KSR2: variants seen among roughly 807,000 people sequenced by gnomAD.
KSR2 encodes kinase suppressor of ras 2.
KSR2 carries 25 observed loss-of-function variants against 107.8 expected under a neutral mutation model. The observed-to-expected ratio is 0.23, with a 90% confidence interval of 0.17 to 0.32. KSR2 has a LOEUF of 0.32. Among genes scored for constraint, KSR2 ranks in the 10% least tolerant of loss-of-function variants. The pLI is 1.00. For synonymous variants in KSR2, 480 were observed against 507.0 expected (o/e 0.95, Z 0.71); for missense variants, 887 against 1,268.9 (o/e 0.70, Z 4.57).
chr12:117,487,230 A>G (rs1223633760), intron 14 of KSR2, among the ~76,000 whole-genome samples: 1 of 152,258 alleles, frequency 6.6e-6, no homozygotes, highest in Non-Finnish European at 1.5e-5. Context: ...ACAAATATAT[A>G]TAAGTGATAT....
intron 1 of KSR2, among the ~76,000 whole-genome samples, chr12:117,933,532 C>T (rs1895752919): frequency 6.6e-6 from 1 of 151,552 alleles, no homozygotes; most frequent in Non-Finnish European, 1.5e-5. Context: ...GCGGAGCTTG[C>T]AGTGAGCTGA....
At chr12:117,794,256 CA>C (rs1890487053) in intron 3 of KSR2, among the ~76,000 whole-genome samples, 5 of 51,526 alleles carry the variant, frequency 9.7e-5, no homozygotes, top group African/African-American at 2.5e-4. Flanking sequence ...AACATGCACA[CA>C]TACACCAACA....
At chr12:117,898,703 A>G (rs1894592349) in intron 1 of KSR2, among the ~76,000 whole-genome samples, 1 of 152,130 alleles carries the variant, frequency 6.6e-6, no homozygotes, top group Non-Finnish European at 1.5e-5. Flanking sequence ...CTGAATGAAT[A>G]AAGAAAATAT....
At chr12:117,691,211 G>A (rs61937663) in intron 4 of KSR2, among the ~76,000 whole-genome samples, 30,358 of 152,054 alleles carry the variant, frequency 0.2, 3,475 homozygotes, top group East Asian at 0.41. Context: ...ATTTTTGGAC[G>A]CTTTGTTCCA....
chr12:117,831,825 A>C (rs1338731972), intron 3 of KSR2, among the ~76,000 whole-genome samples: 1 of 152,240 alleles, frequency 6.6e-6, no homozygotes, highest in Non-Finnish European at 1.5e-5. Flanking sequence ...CCAAGAACAC[A>C]GGAGGTACTT....
At position 117,525,111 on chromosome 12, in the gene KSR2, T is replaced by C. The variant is rs1875033989; in HGVS notation, c.1960A>G (p.Ile654Val). The C allele has an allele frequency of 3.7e-6, 6 of 1,614,010 alleles. No individual in the cohort carries two copies. Among genetic ancestry groups the C allele is most frequent in the Non-Finnish European group, 5.1e-6 (6 of 1,179,884 alleles). ...GGGATGTCCCACTCCTGAAGGAAGA[T>C]GCTGGTCTGGCTGGCCTTGCGTGGG... ...SFPRKASQTS[I>V]FLQEWDIPFE... Residue 654 changes from isoleucine (I) to valine (V), a missense_variant, in exon 14 of 20, where the codon ATC (isoleucine) becomes GTC (valine). Around this residue, in one of 8 missense-constraint regions of KSR2, gnomAD observed 308 missense variants for 506.2 expected, o/e 0.61. Transcript: ENST00000339824.
intron 5 of KSR2, among the ~76,000 whole-genome samples, chr12:117,582,587 A>C (rs1316893931): frequency 6.6e-6 from 1 of 152,230 alleles, no homozygotes; most frequent in Non-Finnish European, 1.5e-5. Context: ...CCAGCTGTGG[A>C]ATGAATAAAA....
At chr12:117,713,477 G>A (rs1886870132) in intron 4 of KSR2, among the ~76,000 whole-genome samples, 1 of 148,558 alleles carries the variant, frequency 6.7e-6, no homozygotes, top group Non-Finnish European at 1.5e-5. Flanking sequence ...TGCAACAAAT[G>A]TTGAGAGAAT....
intron 1 of KSR2, among the ~76,000 whole-genome samples, chr12:117,928,272 T>C (rs1159378541): frequency 6.6e-6 from 1 of 151,502 alleles, no homozygotes; most frequent in Non-Finnish European, 1.5e-5. Flanking sequence ...CTCTGCTGCC[T>C]CCTGGGCTCA....
chr12:117,508,337 A>C (rs147752119), intron 14 of KSR2, among the ~76,000 whole-genome samples: 7 of 152,294 alleles, frequency 4.6e-5, no homozygotes, highest in Non-Finnish European at 1.0e-4. Flanking sequence ...GCATGCTTCC[A>C]TCACATCCCA....
chr12:117,967,964 C>A, intron 1 of KSR2, 112 bp downstream of exon 1: 1 of 995,346 alleles, frequency 1.0e-6, no homozygotes, highest in South Asian at 1.5e-5. Flanking sequence ...CCACCCCCAG[C>A]CCCCAATAAA....
chr12:117,474,808 T>G (rs933661813), intron 17 of KSR2, among the ~76,000 whole-genome samples: 1 of 152,174 alleles, frequency 6.6e-6, no homozygotes, highest in Non-Finnish European at 1.5e-5. Flanking sequence ...CAGCTGTGTT[T>G]TGGTGGTTTC....
chr12:117,825,783 T>A (rs1891721193), intron 3 of KSR2, among the ~76,000 whole-genome samples: 2 of 152,046 alleles, frequency 1.3e-5, no homozygotes, highest in Admixed American at 6.6e-5. Flanking sequence ...GGGCTCAGTG[T>A]CTATATATTA....
rs768440495 is a variant in KSR2 at position 117,531,003 on chromosome 12, C to T, written c.1740G>A (p.Pro580=). The change falls in exon 12 of 20, where the codon CCG becomes CCA. Residue 580 remains proline, a synonymous_variant. Coordinates refer to ENST00000339824, the MANE Select transcript of KSR2 (RefSeq NM_173598.6). ...KQQFIFPDVV[P]VPETPTRAPQ... is the part of the protein sequence containing the mutation. ...GCGCCCGGGTCGGCGTCTCCGGCACCGGCACCACATCTGAAAACCAGAGAT... is the reference window on the plus strand; with the variant it reads ...GCGCCCGGGTCGGCGTCTCCGGCACTGGCACCACATCTGAAAACCAGAGAT... The T allele has an allele frequency of 4.6e-5, 74 of 1,613,302 alleles. No homozygotes were observed. Among genetic ancestry groups the T allele is most frequent in the South Asian group, 1.1e-4 (10 of 90,988 alleles).
intron 1 of KSR2, among the ~76,000 whole-genome samples, chr12:117,939,944 A>AAC (rs10561468): frequency 0.056 from 7,904 of 140,050 alleles, 216 homozygotes; most frequent in Non-Finnish European, 0.071. Flanking sequence ...CCATCTTAAA[A>AAC]ACACACACAC....
chr12:117,765,668 A>T lies in KSR2; in HGVS notation c.473-4144T>A, dbSNP rs76366338. ...GTAGGGAAACAAATGAAACAAGTAGATGAACAAATTTATCATATATGTAGT... is the reference window on the plus strand; with the variant it reads ...GTAGGGAAACAAATGAAACAAGTAGTTGAACAAATTTATCATATATGTAGT... On this transcript the variant is annotated intron_variant, in intron 3 of 19. Coordinates refer to ENST00000339824, the MANE Select transcript of KSR2 (RefSeq NM_173598.6). Among the ~76,000 whole-genome samples, 1,502 of 152,330 alleles carry T rather than the reference A, an allele frequency of 9.9e-3. 29 individuals are homozygous for T. Among genetic ancestry groups the T allele is most frequent in the African/African-American group, 0.034 (1,406 of 41,564 alleles).
At position 117,968,304 on chromosome 12, in the gene KSR2, AAG is replaced by A. The variant is rs1491322792; in HGVS notation, c.-51_-50del. On this transcript the variant is annotated 5_prime_UTR_variant, in exon 1 of 20. Coordinates refer to ENST00000339824, the MANE Select transcript of KSR2 (RefSeq NM_173598.6). ...CCTCCTCCTCCTCCCAGAGAGAAAA[AAG>A]AGGGGGGGGAGTAGAGGTAGTCTAC... is the stretch of plus-strand genomic sequence containing the variant. 6.8e-5 allele frequency: 46 copies of A among 679,724 alleles called. No individual in the cohort carries two copies. The highest frequency in any genetic ancestry group is 5.2e-4 in the Middle Eastern group (1 of 1,920). The allele number at this position is 679,724 out of a possible 1,614,324, so 42.1% of individuals were successfully genotyped here. A position where few individuals can be genotyped will look rare whatever the true frequency, so the allele number is the denominator to read the frequency against.
chr12:117,667,249 C>T (rs1221246030), intron 5 of KSR2, among the ~76,000 whole-genome samples: 1 of 152,136 alleles, frequency 6.6e-6, no homozygotes, highest in East Asian at 1.9e-4. Flanking sequence ...GTCAACCTCC[C>T]CAGCGTCAGT....
At chr12:117,792,182 A>AC (rs35680833) in intron 3 of KSR2, among the ~76,000 whole-genome samples, 112 of 151,682 alleles carry the variant, frequency 7.4e-4, no homozygotes, top group African/African-American at 2.7e-3. Context: ...TACAAAAAAA[A>AC]AAATAAATAA....
Sources: allele counts gnomAD v4.1 joint callset (sites outside exome capture counted in the v4.1 genomes callset), GRCh38; gene constraint gnomAD v4.1.1; regional missense constraint gnomAD v4.1.1; transcripts MANE v1.5; gene names NCBI Gene and HGNC (gene_info 2026-07-23, HGNC 2026-07-21).